The following FREM2 variants were observed in gnomAD, a reference collection of about 807,000 sequenced individuals.
FREM2 encodes the protein FRAS1-related extracellular matrix protein 2.
A neutral mutation model predicts 219.9 loss-of-function variants in FREM2; 119 were observed. That is an observed-to-expected ratio of 0.54 (90% CI 0.47 to 0.63). FREM2 has a LOEUF of 0.63. FREM2 is among the 30% of genes least tolerant of loss of function. FREM2 has a pLI of 0.00. For synonymous variants in FREM2, 1,562 were observed against 1,522.8 expected, an observed-to-expected ratio of 1.03 and a Z score of -0.60; for missense variants, 4,030 against 3,993.6, an observed-to-expected ratio of 1.01 and a Z score of -0.25.
At chr13:38,730,747 A>G (rs1871732347) in intron 2 of FREM2, among the ~76,000 whole-genome samples, 1 of 152,218 alleles carries the variant, frequency 6.6e-6, no homozygotes, top group African/African-American at 2.4e-5. Context: ...TGTCATTTAG[A>G]CAAGACTCAT....
At chr13:38,872,384 AAATATACT>A (rs1422791799) in intron 16 of FREM2, among the ~76,000 whole-genome samples, 24 of 152,286 alleles carry the variant, frequency 1.6e-4, no homozygotes, top group African/African-American at 5.8e-4. Context: ...ACAGCTCCTT[AAATATACT>A]AAGAACCATT....
intron 2 of FREM2, among the ~76,000 whole-genome samples, chr13:38,751,225 G>GT (rs1308743062): frequency 1.0e-4 from 13 of 129,910 alleles, no homozygotes; most frequent in African/African-American, 4.1e-4. Context: ...CTTCTGTATT[G>GT]TTTTTCATAA....
At chr13:38,729,838 G>T (rs564855685) in intron 2 of FREM2, among the ~76,000 whole-genome samples, 24 of 152,138 alleles carry the variant, frequency 1.6e-4, no homozygotes, top group Non-Finnish European at 3.2e-4. Flanking sequence ...AACATCAGGA[G>T]AAATGATAGT....
chr13:38,852,067 G>A (rs369218630), intron 11 of FREM2, among the ~76,000 whole-genome samples, 199 bp downstream of exon 11: 2 of 152,186 alleles, frequency 1.3e-5, no homozygotes, highest in African/African-American at 4.8e-5. Context: ...TAGTCTTTTA[G>A]TATCTCCATC....
intron 2 of FREM2, among the ~76,000 whole-genome samples, chr13:38,709,834 G>A (rs890907023): frequency 2.0e-5 from 3 of 151,924 alleles, no homozygotes; most frequent in Non-Finnish European, 4.4e-5. Context: ...GTCCCAATTG[G>A]TAGAAAATTG....
In FREM2 at chr13:38,691,029, A is replaced by G. The variant is rs1471761929; in HGVS notation, c.3685A>G (p.Ile1229Val). 11 of 1,614,150 alleles carry G rather than the reference A, an allele frequency of 6.8e-6. No homozygotes were observed. The highest frequency in any genetic ancestry group is 5.5e-5 in the South Asian group (5 of 91,084). Residue 1229 changes from isoleucine (I) to valine (V), a missense_variant, in exon 1 of 24, where the codon ATT (isoleucine) becomes GTT (valine). Physicochemically the swap from Ile to Val is conservative, Grantham distance 29. Around this residue, in one of 2 missense-constraint regions of FREM2, gnomAD observed 3,102 missense variants for 2,950.7 expected, o/e 1.05. Coordinates refer to ENST00000280481, the MANE Select transcript of FREM2 (RefSeq NM_207361.6). ...TCCCCTGGATGATTTAACTTTCACT[A>G]TTACCCAATTCCCCACTCATGGTCA... ...DVPLDDLTFT[I>V]TQFPTHGHIM... is the part of the protein sequence containing the mutation.
intron 6 of FREM2, among the ~76,000 whole-genome samples, chr13:38,825,407 A>T (rs1259530823): frequency 1.3e-5 from 2 of 151,632 alleles, no homozygotes; most frequent in Admixed American, 6.6e-5. Flanking sequence ...CAAAAAAATT[A>T]ACCACAAAGA....
chr13:38,834,338 G>T (rs1876628666), intron 6 of FREM2, among the ~76,000 whole-genome samples: 1 of 152,118 alleles, frequency 6.6e-6, no homozygotes, highest in Non-Finnish European at 1.5e-5. Flanking sequence ...TCCCTGCAAA[G>T]GACATGAACT....
rs933911640 is a variant in FREM2, at chr13:38,884,594, C to A, written c.*3807C>A. On this transcript the variant is annotated 3_prime_UTR_variant, in exon 24 of 24. Transcript: ENST00000280481. ...ATTAATCAGAAAACAAGCACATTGCCATTCTTTGAAACTCATGTTTCTAGA... is the reference window on the plus strand; with the variant it reads ...ATTAATCAGAAAACAAGCACATTGCAATTCTTTGAAACTCATGTTTCTAGA... 10 of 152,108 alleles carry A rather than the reference C, an allele frequency of 6.6e-5. No individual in the cohort carries two copies. The highest frequency in any genetic ancestry group is 3.2e-3 in the Middle Eastern group (1 of 316). The allele number at this position is 152,108 out of a possible 1,614,324, so 9.4% of individuals were successfully genotyped here. A position where few individuals can be genotyped will look rare whatever the true frequency, so the allele number is the denominator to read the frequency against.
chr13:38,690,971 T>C lies in FREM2; in HGVS notation c.3627T>C (p.Asp1209=), dbSNP rs759899981. 6.2e-7 allele frequency: 1 copy of C among 1,614,126 alleles called. No homozygotes were observed. ...TGGAAGGCATGAGTCTGGTAATTGA[T>C]ACACCCATTCTCAATGCTGCTGATG... ...MVMEGMSLVI[D]TPILNAADAD... The change falls in exon 1 of 24, where the codon GAT becomes GAC. Residue 1209 remains aspartate, a synonymous_variant. Coordinates refer to ENST00000280481, the MANE Select transcript of FREM2 (RefSeq NM_207361.6).
At chr13:38,789,613 A>G (rs1228036893) in intron 6 of FREM2, among the ~76,000 whole-genome samples, 1 of 150,692 alleles carries the variant, frequency 6.6e-6, no homozygotes. Flanking sequence ...TTTCTATTTC[A>G]TTAATTTCTG....
intron 9 of FREM2, 120 bp from the exon 10 acceptor site, chr13:38,850,824 C>T: frequency 5.5e-6 from 6 of 1,091,664 alleles, no homozygotes; most frequent in East Asian, 2.4e-5. Context: ...GCATGCCAAA[C>T]ACTATTTATT....
chr13:38,732,697 A>G (rs763533402), intron 2 of FREM2, among the ~76,000 whole-genome samples: 2 of 152,232 alleles, frequency 1.3e-5, no homozygotes, highest in Non-Finnish European at 2.9e-5. Context: ...ACTGATGAAG[A>G]TGAAGTTCTC....
chr13:38,719,544 C>T (rs1211850150), intron 2 of FREM2, among the ~76,000 whole-genome samples: 1 of 152,158 alleles, frequency 6.6e-6, no homozygotes, highest in African/African-American at 2.4e-5. Context: ...CTTTAAGTCT[C>T]TCTCTGTGCT....
At chr13:38,840,644 ATGTG>A (rs1555271126) in intron 6 of FREM2, among the ~76,000 whole-genome samples, 11 of 134,276 alleles carry the variant, frequency 8.2e-5, no homozygotes, top group African/African-American at 2.6e-4. Context: ...ATATATATAT[ATGTG>A]TATGTATATA....
At chr13:38,826,899 C>T (rs980385879) in intron 6 of FREM2, among the ~76,000 whole-genome samples, 2 of 151,990 alleles carry the variant, frequency 1.3e-5, no homozygotes, top group Non-Finnish European at 2.9e-5. Flanking sequence ...TTTCCCTCTT[C>T]CTAGAATCTT....
chr13:38,716,602 G>A (rs1447930057), intron 2 of FREM2, among the ~76,000 whole-genome samples: 3 of 151,890 alleles, frequency 2.0e-5, no homozygotes, highest in African/African-American at 4.8e-5. Flanking sequence ...GATCATACAA[G>A]TCTCAAGCAA....
At chr13:38,826,906 T>C (rs989154046) in intron 6 of FREM2, among the ~76,000 whole-genome samples, 29 of 152,134 alleles carry the variant, frequency 1.9e-4, no homozygotes, top group Non-Finnish European at 7.4e-5. Flanking sequence ...CTTCCTAGAA[T>C]CTTTTAATTA....
intron 2 of FREM2, among the ~76,000 whole-genome samples, chr13:38,714,953 A>G (rs545719162): frequency 2.6e-5 from 4 of 151,794 alleles, no homozygotes; most frequent in African/African-American, 9.7e-5. Flanking sequence ...TTAGCTGGGC[A>G]TGGTGGCGGG....
Sources: allele counts gnomAD v4.1 joint callset (sites outside exome capture counted in the v4.1 genomes callset), GRCh38; gene constraint gnomAD v4.1.1; regional missense constraint gnomAD v4.1.1; transcripts MANE v1.5; gene names NCBI Gene and HGNC (gene_info 2026-07-23, HGNC 2026-07-21).